The following STOX1 variants were observed in gnomAD, a reference collection of about 807,000 sequenced individuals.
The protein encoded by STOX1 is storkhead box 1, also known as storkhead-box protein 1.
STOX1 carries 57 observed loss-of-function variants against 74.8 expected under a neutral mutation model. The ratio of observed to expected loss-of-function variants is 0.76; its 90% CI spans 0.62 to 0.95. The LOEUF is 0.95. Ranked by LOEUF, STOX1 falls within the 40% of genes least tolerant of loss-of-function variation. STOX1 has a pLI of 0.00. For missense variants in STOX1, 1,010 were observed against 1,117.0 expected (o/e 0.90, Z 1.37); for synonymous variants, 375 against 401.3 (o/e 0.93, Z 0.78).
intron 1 of STOX1, 149 bp from the exon 2 acceptor site, chr10:68,881,809 A>G (rs1840818565): frequency 1.2e-6 from 1 of 864,434 alleles, no homozygotes; most frequent in African/African-American, 1.7e-5. Flanking sequence ...GTCATTGTAC[A>G]TGTCATGTTA....
intron 1 of STOX1, among the ~76,000 whole-genome samples, chr10:68,863,400 G>A (rs1840313988): frequency 6.6e-6 from 1 of 151,830 alleles, no homozygotes; most frequent in African/African-American, 2.4e-5. Context: ...CTGGGTATCT[G>A]GCTCATAATA....
rs1194918636 is a variant in STOX1, at chr10:68,886,635, G to T, written c.2822+17G>T. The T allele has an allele frequency of 3.1e-6, 5 of 1,612,716 alleles. No homozygotes were observed. On this transcript the variant is annotated intron_variant, in intron 3 of 3. Transcript: ENST00000298596. ...TTCTCCACGGTAGGTCCATACAAAA[G>T]TGTCTGATTTAGGCCGGGCGCAGTG...
chr10:68,872,942 C>T (rs1298396548), intron 1 of STOX1, among the ~76,000 whole-genome samples: 1 of 151,508 alleles, frequency 6.6e-6, no homozygotes, highest in Non-Finnish European at 1.5e-5. Flanking sequence ...CTTAACGGTA[C>T]AGTTTTTATT....
At chr10:68,893,456 T>C (rs1841139919), downstream of STOX1, among the ~76,000 whole-genome samples, 2 of 152,180 alleles carry the variant, frequency 1.3e-5, no homozygotes, top group South Asian at 4.1e-4. Context: ...CTTGCTCTGT[T>C]GCCCAGGCTG....
intron 1 of STOX1, among the ~76,000 whole-genome samples, chr10:68,856,097 C>A (rs1408403289): frequency 6.6e-6 from 1 of 151,954 alleles, no homozygotes; most frequent in East Asian, 1.9e-4. Context: ...CACAGGGTAG[C>A]AGGTTGGGAG....
intron 1 of STOX1, among the ~76,000 whole-genome samples, chr10:68,849,812 A>C (rs1271211491): frequency 6.6e-6 from 1 of 151,974 alleles, no homozygotes; most frequent in Non-Finnish European, 1.5e-5. Flanking sequence ...TGCAAGGAGG[A>C]GTTTTTGTGT....
chr10:68,852,249 C>CTTTTT (rs34908700), intron 1 of STOX1, among the ~76,000 whole-genome samples: 14 of 118,976 alleles, frequency 1.2e-4, no homozygotes, highest in African/African-American at 2.9e-4. Context: ...TCTCTTACTG[C>CTTTTT]TTTTTTTTTT....
At position 68,885,605 on chromosome 10, in the gene STOX1, C is replaced by T; in HGVS notation, c.1809C>T (p.Ser603=). Residue 603 remains serine, a synonymous_variant, in exon 3 of 4, where the codon AGC becomes AGT. Coordinates refer to ENST00000298596, the MANE Select transcript of STOX1 (RefSeq NM_152709.5). ...NDGKCCPFME[S]MLRYEVYGGE... is the part of the protein sequence containing the mutation. ...GTAAATGCTGTCCCTTTATGGAAAG[C>T]ATGTTGAGATATGAAGTGTATGGTG... 3 of 1,614,140 alleles carry T rather than the reference C, an allele frequency of 1.9e-6. No individual in the cohort carries two copies. The South Asian group carries it at 3.3e-5, about 18-fold the overall frequency.
chr10:68,865,246 T>C (rs1283590769), intron 1 of STOX1, among the ~76,000 whole-genome samples: 1 of 152,272 alleles, frequency 6.6e-6, no homozygotes, highest in Non-Finnish European at 1.5e-5. Context: ...ATGAAAATGC[T>C]TAGCAGGCTG....
In STOX1 at chr10:68,852,090, T is replaced by G. The variant is rs188478208; in HGVS notation, c.310+24157T>G. Reference sequence around the variant, plus strand: ...TGGAGGTTGCAGGGAGCCGAGATTGTGCCACCGCACTCCAGCCTGGGCGAC... The same window carrying G: ...TGGAGGTTGCAGGGAGCCGAGATTGGGCCACCGCACTCCAGCCTGGGCGAC... On this transcript the variant is annotated intron_variant, in intron 1 of 3. Transcript: ENST00000298596. Among the ~76,000 whole-genome samples, 1,428 of 151,940 alleles carry G rather than the reference T, an allele frequency of 9.4e-3. 19 individuals carry two copies. The highest frequency in any genetic ancestry group is 0.01 in the Non-Finnish European group (697 of 67,912).
intron 1 of STOX1, among the ~76,000 whole-genome samples, chr10:68,856,552 G>C (rs1376438423): frequency 1.3e-5 from 2 of 152,066 alleles, no homozygotes; most frequent in African/African-American, 4.8e-5. Context: ...CTACACTGTT[G>C]TTTCCCCTGT....
At chr10:68,863,824 A>G (rs976724881) in intron 1 of STOX1, among the ~76,000 whole-genome samples, 9 of 152,038 alleles carry the variant, frequency 5.9e-5, no homozygotes, top group Non-Finnish European at 1.3e-4. Flanking sequence ...AAAGCAGTCA[A>G]TACCTCAATT....
At chr10:68,871,853 C>A (rs961661348) in intron 1 of STOX1, among the ~76,000 whole-genome samples, 2 of 152,176 alleles carry the variant, frequency 1.3e-5, no homozygotes, top group Non-Finnish European at 2.9e-5. Flanking sequence ...AGCATCTTAT[C>A]TTTAATGAGG....
At chr10:68,857,625 C>A (rs998376230) in intron 1 of STOX1, among the ~76,000 whole-genome samples, 2 of 152,144 alleles carry the variant, frequency 1.3e-5, no homozygotes, top group Admixed American at 6.5e-5. Context: ...AAACCCAATT[C>A]TTAAAAGACA....
At position 68,885,296 on chromosome 10, in the gene STOX1, G is replaced by C; in HGVS notation, c.1500G>C (p.Leu500Phe). Reference sequence around the variant, plus strand: ...GAATCAGTAATCCTTTCCAGGGTTTGTCTCACCGAGGAAGCACAATATCCA... The same window carrying C: ...GAATCAGTAATCCTTTCCAGGGTTTCTCTCACCGAGGAAGCACAATATCCA... ...KKRISNPFQG[L>F]SHRGSTISKG... Residue 500 changes from leucine to phenylalanine, a missense_variant, in exon 3 of 4, where the codon TTG becomes TTC. Leu to Phe is a conservative substitution (Grantham distance 22, BLOSUM62 0). Coordinates refer to ENST00000298596, the MANE Select transcript of STOX1 (RefSeq NM_152709.5). The C allele has an allele frequency of 2.5e-6, 4 of 1,614,194 alleles. No homozygotes were observed. The highest frequency in any genetic ancestry group is 3.4e-6 in the Non-Finnish European group (4 of 1,180,036).
Position 68,884,803 on chromosome 10 carries a change from A to C in STOX1, c.1007A>C (p.Gln336Pro). Residue 336 changes from glutamine to proline, a missense_variant, in exon 3 of 4, where the codon CAG (glutamine) becomes CCG (proline). Gln to Pro is a moderately conservative substitution (Grantham distance 76). Coordinates refer to ENST00000298596, the MANE Select transcript of STOX1 (RefSeq NM_152709.5). The stretch of plus-strand genomic sequence containing the variant: ...ACAGAACACAGCAGTTTCTCTGCTC[A>C]GTTCCCACCTGAAGAATGGCCCGTC... ...PKTEHSSFSAQFPPEEWPVRD... is the reference protein window; with the variant it reads ...PKTEHSSFSAPFPPEEWPVRD... 1 of 1,614,230 alleles carries C rather than the reference A, an allele frequency of 6.2e-7. No individual in the cohort carries two copies. The highest frequency in any genetic ancestry group is 1.3e-5 in the African/African-American group (1 of 75,052).
intron 1 of STOX1, among the ~76,000 whole-genome samples, chr10:68,866,292 G>T (rs892719135): frequency 1.3e-5 from 2 of 152,106 alleles, no homozygotes; most frequent in African/African-American, 4.8e-5. Flanking sequence ...AAATTGAGTG[G>T]GTTGAACTGG....
chr10:68,848,011 G>A (rs572065174), intron 1 of STOX1, among the ~76,000 whole-genome samples: 1 of 152,302 alleles, frequency 6.6e-6, no homozygotes, highest in South Asian at 2.1e-4. Context: ...GATTACAGGC[G>A]TGAGCCACTG....
intron 3 of STOX1, among the ~76,000 whole-genome samples, chr10:68,888,110 T>C (rs189555974): frequency 1.6e-4 from 25 of 151,838 alleles, no homozygotes; most frequent in Non-Finnish European, 3.2e-4. Flanking sequence ...CACACACATA[T>C]ATGTTTTGAG....
Sources: allele counts gnomAD v4.1 joint callset (sites outside exome capture counted in the v4.1 genomes callset), GRCh38; gene constraint gnomAD v4.1.1; transcripts MANE v1.5; gene names NCBI Gene and HGNC (gene_info 2026-07-23, HGNC 2026-07-21).